CRK: variants seen among roughly 807,000 people sequenced by gnomAD.
CRK encodes the protein CRK proto-oncogene, adaptor protein.
In CRK, 4 loss-of-function variants were observed where a neutral mutation model predicts 29.8. The ratio of observed to expected loss-of-function variants is 0.13; its 90% CI spans 0.07 to 0.31. The LOEUF (loss-of-function observed/expected upper bound fraction) is 0.31. CRK is among the 10% of genes least tolerant of loss of function. The pLI is 1.00. For synonymous variants in CRK, 153 were observed against 164.9 expected, an observed-to-expected ratio of 0.93 and a Z score of 0.55; for missense variants, 274 against 396.5, an observed-to-expected ratio of 0.69 and a Z score of 2.62.
intron 1 of CRK, among the ~76,000 whole-genome samples, chr17:1,442,859 G>T (rs951211655): frequency 2.7e-5 from 4 of 150,188 alleles, no homozygotes; most frequent in African/African-American, 9.8e-5. Flanking sequence ...TGACCGCCTT[G>T]GCCTCCAAAA....
rs1026555241 is a variant in CRK at position 1,422,740 on chromosome 17, G to C, written c.*773C>G. 2.6e-6 allele frequency: 1 copy of C among 390,786 alleles called. No individual in the cohort carries two copies. The highest frequency in any genetic ancestry group is 2.1e-5 in the African/African-American group (1 of 48,444). 24.2% of individuals were successfully genotyped at this position (390,786 alleles called of 1,614,324 possible). A position where few individuals can be genotyped will look rare whatever the true frequency, so the allele number is the denominator to read the frequency against. ...AAGGGTGACCTACTACGACCCTTTTGGGGAAGGCAGAGAGCTGGGAGACTG... is the reference window on the plus strand; with the variant it reads ...AAGGGTGACCTACTACGACCCTTTTCGGGAAGGCAGAGAGCTGGGAGACTG... On this transcript the variant is annotated 3_prime_UTR_variant, in exon 3 of 3. Coordinates refer to ENST00000300574, the MANE Select transcript of CRK (RefSeq NM_016823.4).
chr17:1,438,575 A>G (rs993687519), intron 1 of CRK, among the ~76,000 whole-genome samples: 1 of 152,110 alleles, frequency 6.6e-6, no homozygotes, highest in Admixed American at 6.6e-5. Flanking sequence ...AACAGAAACT[A>G]GACTGTTCGC....
intron 2 of CRK, among the ~76,000 whole-genome samples, chr17:1,428,827 C>A (rs1261179788): frequency 6.6e-6 from 1 of 151,042 alleles, no homozygotes; most frequent in East Asian, 1.9e-4. Context: ...CGGCTCAGAA[C>A]TATCTTTAAT....
intron 1 of CRK, among the ~76,000 whole-genome samples, chr17:1,448,835 A>C (rs1043781780): frequency 2.6e-5 from 4 of 151,964 alleles, no homozygotes; most frequent in African/African-American, 9.7e-5. Flanking sequence ...CTGTAATCTC[A>C]GCACTTTGGG....
At chr17:1,447,847 C>T (rs1314454229) in intron 1 of CRK, among the ~76,000 whole-genome samples, 1 of 152,052 alleles carries the variant, frequency 6.6e-6, no homozygotes, top group Middle Eastern at 3.4e-3. Flanking sequence ...GAACTCCTGA[C>T]CTCAAGTGAT....
At chr17:1,427,030 C>CAAAAAAAAAAAAAAAAAAAAAAAAAAAA (rs562515421) in intron 2 of CRK, among the ~76,000 whole-genome samples, 1 of 35,304 alleles carries the variant, frequency 2.8e-5, no homozygotes, top group Admixed American at 5.7e-4. Context: ...AAACTGTCTC[C>CAAAAAAAAAAAAAAAAAAAAAAAAAAAA]AAAAAAAAAA....
intron 2 of CRK, among the ~76,000 whole-genome samples, chr17:1,427,454 G>C (rs1295530040): frequency 6.6e-6 from 1 of 151,350 alleles, no homozygotes; most frequent in Non-Finnish European, 1.5e-5. Context: ...TTAGCCAGGC[G>C]TGCTGGCGGG....
intron 2 of CRK, among the ~76,000 whole-genome samples, chr17:1,425,246 C>A (rs967255719): frequency 3.3e-5 from 5 of 151,662 alleles, no homozygotes; most frequent in Non-Finnish European, 7.4e-5. Flanking sequence ...CCCGCCACCA[C>A]GCCCAGCTAA....
chr17:1,445,438 C>G (rs1016549591), intron 1 of CRK, among the ~76,000 whole-genome samples: 1 of 152,166 alleles, frequency 6.6e-6, no homozygotes. Flanking sequence ...CAGGACTGTC[C>G]TCTATGGCAA....
chr17:1,435,419 C>T (rs1290234021), intron 2 of CRK, among the ~76,000 whole-genome samples: 1 of 149,788 alleles, frequency 6.7e-6, no homozygotes, highest in African/African-American at 2.5e-5. Flanking sequence ...TCAAGAGTTA[C>T]ATCTAGTGAC....
At chr17:1,448,636 A>G (rs1314339689) in intron 1 of CRK, among the ~76,000 whole-genome samples, 7 of 145,252 alleles carry the variant, frequency 4.8e-5, no homozygotes, top group Non-Finnish European at 1.1e-4. Context: ...AAAAAAAAAA[A>G]AAAAAAGAAA....
intron 1 of CRK, among the ~76,000 whole-genome samples, chr17:1,439,490 T>C (rs2073917981): frequency 6.6e-6 from 1 of 152,068 alleles, no homozygotes; most frequent in Admixed American, 6.6e-5. Flanking sequence ...TTTTTCACAT[T>C]ATGGTTTCCT....
At position 1,456,145 on chromosome 17, in the gene CRK, TGCC is replaced by T; in HGVS notation, c.-31_-29del. ...CTGCCTCCGCGCCTAAACGCTGGGG[TGCC>T]GCCGCCGCGCGCGCCCCTCCGGCCC... is the stretch of plus-strand genomic sequence containing the variant. On this transcript the variant is annotated 5_prime_UTR_variant, in exon 1 of 3. Transcript: ENST00000300574. 1 of 1,460,658 alleles carries T rather than the reference TGCC, an allele frequency of 6.8e-7. No individual in the cohort carries two copies. The highest frequency in any genetic ancestry group is 9.0e-7 in the Non-Finnish European group (1 of 1,106,664). The allele number at this position is 1,460,658 out of a possible 1,614,324, so 90.5% of individuals were successfully genotyped here. A position where few individuals can be genotyped will look rare whatever the true frequency, so the allele number is the denominator to read the frequency against.
chr17:1,431,367 G>T (rs989463099), intron 2 of CRK, among the ~76,000 whole-genome samples: 1 of 152,122 alleles, frequency 6.6e-6, no homozygotes, highest in Non-Finnish European at 1.5e-5. Flanking sequence ...AACAAAGTCA[G>T]AACTGTGCTT....
intron 1 of CRK, among the ~76,000 whole-genome samples, chr17:1,444,216 C>T (rs1467071911): frequency 6.6e-6 from 1 of 152,064 alleles, no homozygotes; most frequent in Admixed American, 6.6e-5. Flanking sequence ...ACACTGTGGC[C>T]TTGTACTCCT....
chr17:1,453,308 C>T (rs55740849), intron 1 of CRK, among the ~76,000 whole-genome samples: 53,259 of 151,988 alleles, frequency 0.35, 9,752 homozygotes, highest in Non-Finnish European at 0.41. Flanking sequence ...GACATAAAAT[C>T]GTTATGCTAA....
In CRK at chr17:1,436,604, T is replaced by G; in HGVS notation, c.777+16A>C. The G allele has an allele frequency of 6.3e-7, 1 of 1,579,326 alleles. No individual in the cohort carries two copies. Among genetic ancestry groups the G allele is most frequent in the Non-Finnish European group, 8.6e-7 (1 of 1,167,156 alleles). ...TGCAGCAGATCTCTTCTTTCTACATTGTGCACGTTATGTACCTCCAAAGCC... is the reference window on the plus strand; with the variant it reads ...TGCAGCAGATCTCTTCTTTCTACATGGTGCACGTTATGTACCTCCAAAGCC... On this transcript the variant is annotated intron_variant, in intron 2 of 2. Transcript: ENST00000300574.
At chr17:1,435,052 A>T (rs1015771225) in intron 2 of CRK, among the ~76,000 whole-genome samples, 1 of 151,962 alleles carries the variant, frequency 6.6e-6, no homozygotes, top group Non-Finnish European at 1.5e-5. Flanking sequence ...GGCTTGTTCC[A>T]TGGCTTTTTT....
At chr17:1,431,179 T>C (rs1018126544) in intron 2 of CRK, among the ~76,000 whole-genome samples, 3 of 152,310 alleles carry the variant, frequency 2.0e-5, no homozygotes, top group East Asian at 3.9e-4. Flanking sequence ...GGCACTATGA[T>C]GATATTTAGA....
Sources: allele counts gnomAD v4.1 joint callset (sites outside exome capture counted in the v4.1 genomes callset), GRCh38; gene constraint gnomAD v4.1.1; transcripts MANE v1.5; gene names NCBI Gene and HGNC (gene_info 2026-07-23, HGNC 2026-07-21).